The following THRB variants were observed in gnomAD, a reference collection of about 807,000 sequenced individuals.
The protein encoded by THRB is thyroid hormone receptor beta.
Under a neutral mutation model 47.8 loss-of-function variants are expected in THRB, and 12 were observed. That is an observed-to-expected ratio of 0.25 (90% CI 0.16 to 0.41). The LOEUF is 0.41. Among genes scored for constraint, THRB ranks in the 10% least tolerant of loss-of-function variants. The pLI is 1.00. For missense variants in THRB, 348 were observed against 589.2 expected (o/e 0.59, Z 4.24); for synonymous variants, 218 against 212.2 (o/e 1.03, Z -0.24).
intron 5 of THRB, among the ~76,000 whole-genome samples, chr3:24,188,630 C>T (rs991507407): frequency 8.6e-5 from 13 of 151,912 alleles, no homozygotes; most frequent in African/African-American, 3.1e-4. Flanking sequence ...TTTCTGTTGG[C>T]GTTTCACCGT....
At chr3:24,290,345 C>T (rs1231583145) in intron 3 of THRB, among the ~76,000 whole-genome samples, 1 of 152,130 alleles carries the variant, frequency 6.6e-6, no homozygotes, top group Non-Finnish European at 1.5e-5. Flanking sequence ...CTGCAAACAA[C>T]GGAGAGGCAC....
chr3:24,415,594 A>G (rs2068669716), intron 1 of THRB, among the ~76,000 whole-genome samples: 1 of 151,844 alleles, frequency 6.6e-6, no homozygotes, highest in African/African-American at 2.4e-5. Flanking sequence ...TTACTGAACA[A>G]TTTTTTAATG....
intron 4 of THRB, among the ~76,000 whole-genome samples, chr3:24,216,898 T>C (rs566611734): frequency 3.9e-5 from 6 of 152,028 alleles, no homozygotes; most frequent in Non-Finnish European, 7.4e-5. Flanking sequence ...GGCTATTTTA[T>C]ATTCATTTAC....
intron 10 of THRB, among the ~76,000 whole-genome samples, 162 bp downstream of exon 10, chr3:24,127,337 C>A (rs1373694163): frequency 3.9e-5 from 6 of 152,166 alleles, no homozygotes; most frequent in Non-Finnish European, 7.3e-5. Flanking sequence ...TGACGCCCCC[C>A]CTTTAAGTTC....
At chr3:24,420,399 CTT>C (rs2069130834) in intron 1 of THRB, among the ~76,000 whole-genome samples, 2 of 152,006 alleles carry the variant, frequency 1.3e-5, no homozygotes, top group South Asian at 2.1e-4. Flanking sequence ...TTCTCTGTGG[CTT>C]TGTTTAGTCA....
At chr3:24,425,328 G>A (rs984675179) in intron 1 of THRB, among the ~76,000 whole-genome samples, 4 of 151,556 alleles carry the variant, frequency 2.6e-5, no homozygotes, top group African/African-American at 9.7e-5. Context: ...GACTTCATAG[G>A]GTTTTTCTTT....
At chr3:24,401,700 C>G (rs1461590672) in intron 1 of THRB, among the ~76,000 whole-genome samples, 1 of 152,010 alleles carries the variant, frequency 6.6e-6, no homozygotes, top group Non-Finnish European at 1.5e-5. Flanking sequence ...CAGGCTGGCT[C>G]TCCACAGTGA....
At chr3:24,453,533 C>A (rs533065094) in intron 1 of THRB, among the ~76,000 whole-genome samples, 1 of 152,346 alleles carries the variant, frequency 6.6e-6, no homozygotes, top group African/African-American at 2.4e-5. Context: ...ACTCTAGCAA[C>A]AGCAAAGGTC....
chr3:24,406,571 T>C (rs577389496), intron 1 of THRB, among the ~76,000 whole-genome samples: 2 of 151,366 alleles, frequency 1.3e-5, no homozygotes, highest in South Asian at 2.1e-4. Flanking sequence ...GAGTTTGATT[T>C]ATAAGGGTTT....
At chr3:24,369,242 C>T (rs1253473762) in intron 1 of THRB, among the ~76,000 whole-genome samples, 2 of 152,108 alleles carry the variant, frequency 1.3e-5, no homozygotes, top group Non-Finnish European at 2.9e-5. Flanking sequence ...AAACTAACAT[C>T]ATATCTACTA....
chr3:24,416,678 C>T (rs899340768), intron 1 of THRB, among the ~76,000 whole-genome samples: 22 of 151,836 alleles, frequency 1.4e-4, no homozygotes, highest in Non-Finnish European at 2.7e-4. Context: ...CCTGAATGAA[C>T]CTTTCAGGCT....
In THRB at chr3:24,232,726, G is replaced by A. The variant is rs557228984; in HGVS notation, c.-42-3725C>T. Among the ~76,000 whole-genome samples, 3 of 152,278 alleles carry A rather than the reference G, an allele frequency of 2.0e-5. No homozygotes were observed. The South Asian group carries it at 6.2e-4, about 32-fold the overall frequency. ...GTGGAAAGCAGACTGGTCAGGCCACGGCAGGTCCAGAATAGAGAAAAAGGT... is the reference window on the plus strand; with the variant it reads ...GTGGAAAGCAGACTGGTCAGGCCACAGCAGGTCCAGAATAGAGAAAAAGGT... On this transcript the variant is annotated intron_variant, in intron 3 of 10. Coordinates refer to ENST00000646209, the MANE Select transcript of THRB (RefSeq NM_001354712.2).
chr3:24,455,436 T>C (rs2073079031), intron 1 of THRB: 1 of 152,194 alleles, frequency 6.6e-6, no homozygotes, highest in Admixed American at 6.5e-5. Context: ...GGTTTTCTTT[T>C]GTCAGCATCA....
chr3:24,348,010 C>T (rs773096334), intron 1 of THRB, among the ~76,000 whole-genome samples: 4 of 151,876 alleles, frequency 2.6e-5, no homozygotes, highest in Non-Finnish European at 2.9e-5. Flanking sequence ...GTCTTGATCC[C>T]GTAACAGTAT....
intron 1 of THRB, among the ~76,000 whole-genome samples, chr3:24,489,416 G>A (rs905929336): frequency 5.9e-5 from 9 of 152,274 alleles, no homozygotes; most frequent in African/African-American, 1.9e-4. Flanking sequence ...CAAATTTAAT[G>A]TGTCTGAGCA....
chr3:24,349,335 T>G lies in THRB; in HGVS notation c.-260-11964A>C, dbSNP rs151337218. On this transcript the variant is annotated intron_variant, in intron 1 of 10. Coordinates refer to ENST00000646209, the MANE Select transcript of THRB (RefSeq NM_001354712.2). ...AATCTCATAAGTCTTGGGTTTTTTT[T>G]TCTGGTGGAAATTAGTAAACTAATT... Among the ~76,000 whole-genome samples the G allele has an allele frequency of 4.3e-3, 659 of 152,220 alleles. 5 individuals carry two copies. The highest frequency in any genetic ancestry group is 0.015 in the African/African-American group (606 of 41,544).
rs1487380515 is a variant in THRB, at chr3:24,251,764, T to TA, written c.-42-22764dup. Among the ~76,000 whole-genome samples the TA allele has an allele frequency of 5.3e-5, 8 of 152,202 alleles. 1 individual carries two copies. In the East Asian group the frequency reaches 1.3e-3, roughly 26 times the overall value. ...TATTTCATAGATAAAAAAAATTATT[T>TA]AAACTGTTTGAAAGCACAGGGAAAA... is the stretch of plus-strand genomic sequence containing the variant. On this transcript the variant is annotated intron_variant, in intron 3 of 10. Coordinates refer to ENST00000646209, the MANE Select transcript of THRB (RefSeq NM_001354712.2).
chr3:24,198,520 G>A (rs1328398740), intron 4 of THRB, among the ~76,000 whole-genome samples: 1 of 129,012 alleles, frequency 7.8e-6, no homozygotes, highest in Non-Finnish European at 1.5e-5. Flanking sequence ...TTCTCAACTG[G>A]TGGGAAGGAG....
chr3:24,383,010 T>A (rs1233763842), intron 1 of THRB, among the ~76,000 whole-genome samples: 1 of 152,114 alleles, frequency 6.6e-6, no homozygotes, highest in African/African-American at 2.4e-5. Flanking sequence ...TCTAACTCAG[T>A]CTTCCATTCT....
Sources: gnomAD v4.1 joint callset for allele counts (sites outside exome capture counted in the v4.1 genomes callset) on GRCh38, gnomAD v4.1.1 for gene constraint, MANE v1.5 for transcripts, NCBI Gene and HGNC (gene_info 2026-07-23, HGNC 2026-07-21) for gene names.